Variants in PPP2R5B observed in about 807,000 individuals in gnomAD.
PPP2R5B encodes protein phosphatase 2 regulatory subunit B'beta, also known as serine/threonine-protein phosphatase 2A 56 kDa regulatory subunit beta isoform.
PPP2R5B carries 19 observed loss-of-function variants against 59.9 expected under a neutral mutation model. The observed-to-expected ratio is 0.32, with a 90% CI of 0.22 to 0.47. The LOEUF (loss-of-function observed/expected upper bound fraction) is 0.47. Ranked by LOEUF, PPP2R5B falls within the 20% of genes least tolerant of loss-of-function variation. PPP2R5B has a pLI of 1.00. For synonymous variants in PPP2R5B, 286 were observed against 260.5 expected (o/e 1.10, Z -0.94); for missense variants, 441 against 640.2 (o/e 0.69, Z 3.36).
rs143217037 is a variant in PPP2R5B at position 64,929,659 on chromosome 11, G to A, written c.723-663G>A. Reference sequence around the variant, plus strand: ...GAGAATCGCTTGAGCCTGGGAGGTGGAGGTTGCAGTGAGCCAAGATTGCGC... The same window carrying A: ...GAGAATCGCTTGAGCCTGGGAGGTGAAGGTTGCAGTGAGCCAAGATTGCGC... On this transcript the variant is annotated intron_variant, in intron 6 of 13. Coordinates refer to ENST00000164133, the MANE Select transcript of PPP2R5B (RefSeq NM_006244.4). 1.0e-2 allele frequency among the ~76,000 whole-genome samples: 1,518 copies of A among 152,338 alleles called. 24 individuals carry two copies. The highest frequency in any genetic ancestry group is 0.033 in the African/African-American group (1,389 of 41,560).
chr11:64,933,718 G>A lies in PPP2R5B; in HGVS notation c.1368G>A (p.Glu456=), dbSNP rs773785023. The A allele has an allele frequency of 1.9e-6, 3 of 1,556,970 alleles. No individual in the cohort carries two copies. In the South Asian group the frequency reaches 3.6e-5, roughly 18 times the overall value. Residue 456 remains glutamate (E), a synonymous_variant, in exon 14 of 14, where the codon GAG becomes GAA. Transcript: ENST00000164133. ...CCAGGGAGCAGCAGAAGGCCCAGGA[G>A]CGTCAGGAGTTATGGCAAGGTCTGG... The part of the protein sequence containing the change: ...EKQQEQQKAQ[E]RQELWQGLEE...
At chr11:64,922,407 C>G (rs533856731), upstream of PPP2R5B, among the ~76,000 whole-genome samples, 3 of 152,150 alleles carry the variant, frequency 2.0e-5, no homozygotes, top group African/African-American at 7.2e-5. Context: ...ATTGCTTGGG[C>G]CTGGGAGGTG....
chr11:64,933,824 G>A lies in PPP2R5B; in HGVS notation c.1474G>A (p.Ala492Thr), dbSNP rs752753102. ...PLQRLTPQVA[A>T]SGGQS ...CCAGCGGCTTACACCCCAGGTGGCCGCCAGTGGGGGTCAGAGCTAGACAGC... is the reference window on the plus strand; with the variant it reads ...CCAGCGGCTTACACCCCAGGTGGCCACCAGTGGGGGTCAGAGCTAGACAGC... The change falls in exon 14 of 14, where the codon GCC (alanine) becomes ACC (threonine). Residue 492 changes from alanine (A) to threonine (T), a missense_variant. Physicochemically the swap from Ala to Thr is moderately conservative, Grantham distance 58 (BLOSUM62 0). Around this residue, in one of 3 missense-constraint regions of PPP2R5B, gnomAD observed 70 missense variants for 64.2 expected, o/e 1.09. Transcript: ENST00000164133. The A allele has an allele frequency of 8.4e-6, 13 of 1,547,596 alleles. No homozygotes were observed. The highest frequency in any genetic ancestry group is 4.9e-5 in the East Asian group (2 of 41,128).
rs745418108 is a variant in PPP2R5B at position 64,931,603 on chromosome 11, G to C, written c.990G>C (p.Gln330His). The change falls in exon 10 of 14, where the codon CAG (glutamine) becomes CAC (histidine). Residue 330 changes from glutamine to histidine, a missense_variant. By Grantham distance (24) the Gln-to-His change is conservative. This residue lies in a region of PPP2R5B where 268 missense variants were observed against 488.1 expected (regional missense o/e 0.55). Coordinates refer to ENST00000164133, the MANE Select transcript of PPP2R5B (RefSeq NM_006244.4). This position sits in a 1 kb window ranked among gnomAD's most constrained non-coding sequence, Gnocchi z 5.0. ...AATACTGGCCAAAAACCTGCACCCA[G>C]AAGGAGGTATGAAGAAGGGCTTTGA... ...LLKYWPKTCTQKEVMFLGEME... is the reference protein window; with the variant it reads ...LLKYWPKTCTHKEVMFLGEME... The C allele has an allele frequency of 1.2e-6, 2 of 1,613,816 alleles. No homozygotes were observed. The highest frequency in any genetic ancestry group is 4.5e-5 in the East Asian group (2 of 44,886).
At chr11:64,929,815 A>G (rs1945208662) in intron 6 of PPP2R5B, among the ~76,000 whole-genome samples, 1 of 152,218 alleles carries the variant, frequency 6.6e-6, no homozygotes, top group African/African-American at 2.4e-5. Flanking sequence ...AGCACTCAGC[A>G]TAGCTCCTGG....
chr11:64,931,980 A>G lies in PPP2R5B; in HGVS notation c.1116+112A>G. 1.2e-5 allele frequency: 18 copies of G among 1,495,710 alleles called. No individual in the cohort carries two copies. Among genetic ancestry groups the G allele is most frequent in the Non-Finnish European group, 1.6e-5 (18 of 1,117,502 alleles). The allele number at this position is 1,495,710 out of a possible 1,614,324, so 92.7% of individuals were successfully genotyped here. A position where few individuals can be genotyped will look rare whatever the true frequency, so the allele number is the denominator to read the frequency against. On this transcript the variant is annotated intron_variant, in intron 11 of 13. Coordinates refer to ENST00000164133, the MANE Select transcript of PPP2R5B (RefSeq NM_006244.4). This position sits in a 1 kb window ranked among gnomAD's most constrained non-coding sequence, Gnocchi z 5.0. ...TTTCTCCTCCAATCCCGGGTCTGGT[A>G]ATGGGGAGATGCTGGACTTAGGGTC...
intron 1 of PPP2R5B, chr11:64,917,696 C>T (rs1272600198): frequency 6.6e-6 from 1 of 152,500 alleles, no homozygotes; most frequent in African/African-American, 2.4e-5. Context: ...CTCATTGAGC[C>T]CTCTTAATAA....
Position 64,933,858 on chromosome 11 carries a change from A to C in PPP2R5B, c.*14A>C. 1 of 1,513,398 alleles carries C rather than the reference A, an allele frequency of 6.6e-7. No individual in the cohort carries two copies. The allele number at this position is 1,513,398 out of a possible 1,614,324, so 93.7% of individuals were successfully genotyped here. A position where few individuals can be genotyped will look rare whatever the true frequency, so the allele number is the denominator to read the frequency against. Reference sequence around the variant, plus strand: ...GGTCAGAGCTAGACAGCACCTCAGAAGGGGAAAAGCTAAACCCAGAGCTGT... The same window carrying C: ...GGTCAGAGCTAGACAGCACCTCAGACGGGGAAAAGCTAAACCCAGAGCTGT... On this transcript the variant is annotated 3_prime_UTR_variant, in exon 14 of 14. Coordinates refer to ENST00000164133, the MANE Select transcript of PPP2R5B (RefSeq NM_006244.4).
At position 64,928,505 on chromosome 11, in the gene PPP2R5B, G is replaced by A. The variant is rs541907550; in HGVS notation, c.722+80G>A. On this transcript the variant is annotated intron_variant, in intron 6 of 13. Transcript: ENST00000164133. ...GAAGACTGCGGCAAAGGCCATGTGC[G>A]GTGGCTCACACCTGTAATCCCAGCA... is the stretch of plus-strand genomic sequence containing the variant. 490 of 1,590,356 alleles carry A rather than the reference G, an allele frequency of 3.1e-4. 5 individuals are homozygous for A. The East Asian group carries it at 9.4e-3, about 30-fold the overall frequency.
chr11:64,925,618 C>T lies in PPP2R5B; in HGVS notation c.-117C>T, dbSNP rs1171005468. 6 of 551,976 alleles carry T rather than the reference C, an allele frequency of 1.1e-5. No homozygotes were observed. The highest frequency in any genetic ancestry group is 1.6e-5 in the Non-Finnish European group (5 of 310,400). The allele number at this position is 551,976 out of a possible 1,614,324, so 34.2% of individuals were successfully genotyped here. A position where few individuals can be genotyped will look rare whatever the true frequency, so the allele number is the denominator to read the frequency against. Reference sequence around the variant, plus strand: ...GGGGCCCAGGACTGTGGTTGTGCCCCCCCCCCAAAGGCCGGACAGGATGGG... The same window carrying T: ...GGGGCCCAGGACTGTGGTTGTGCCCTCCCCCCAAAGGCCGGACAGGATGGG... On this transcript the variant is annotated 5_prime_UTR_variant, in exon 2 of 14. Coordinates refer to ENST00000164133, the MANE Select transcript of PPP2R5B (RefSeq NM_006244.4). The surrounding 1 kb of genome is among the most constrained non-coding windows in gnomAD (Gnocchi z 4.6).
chr11:64,919,834 A>G (rs1803215232), upstream of PPP2R5B, among the ~76,000 whole-genome samples: 1 of 152,150 alleles, frequency 6.6e-6, no homozygotes, highest in Admixed American at 6.6e-5. Context: ...TGTTCACCAT[A>G]TGCTCATGAG....
chr11:64,930,146 G>A (rs542862348), intron 6 of PPP2R5B, among the ~76,000 whole-genome samples, 176 bp from the exon 7 acceptor site: 1 of 152,110 alleles, frequency 6.6e-6, no homozygotes, highest in Non-Finnish European at 1.5e-5. Flanking sequence ...TTCAGTGTGG[G>A]GGGGCGGGGA....
upstream of PPP2R5B, among the ~76,000 whole-genome samples, chr11:64,920,217 TC>T (rs1371061504): frequency 2.0e-5 from 3 of 152,168 alleles, no homozygotes; most frequent in Non-Finnish European, 1.5e-5. Flanking sequence ...AGTTATCCTT[TC>T]TAGGCCCCTG....
rs2136669293 is a variant in PPP2R5B at position 64,919,015 on chromosome 11, C to T, written c.-265+1375C>T. Among the ~76,000 whole-genome samples, 4 of 152,250 alleles carry T rather than the reference C, an allele frequency of 2.6e-5. No homozygotes were observed. In the East Asian group the frequency reaches 7.7e-4, roughly 29 times the overall value. The stretch of plus-strand genomic sequence containing the variant: ...TTACCTGGAAGGAGCAGGCTCCATT[C>T]AGGGAGGCAGGCTGATAGGACAGCC... On this transcript the variant is annotated intron_variant, in intron 1 of 4. Transcript: ENST00000526559.
intron 12 of PPP2R5B, 48 bp from the exon 13 acceptor site, chr11:64,933,097 G>C: frequency 6.5e-7 from 1 of 1,543,368 alleles, no homozygotes; most frequent in South Asian, 1.1e-5. Flanking sequence ...GGAGAGGTGG[G>C]CAAACCAAAG....
At chr11:64,921,969 C>T (rs1269425435), upstream of PPP2R5B, among the ~76,000 whole-genome samples, 3 of 152,084 alleles carry the variant, frequency 2.0e-5, no homozygotes, top group African/African-American at 7.2e-5. Flanking sequence ...AGTCCCAGCA[C>T]TTTGGGAGGC....
Position 64,926,836 on chromosome 11 carries a change from C to G in PPP2R5B, c.324C>G (p.Asn108Lys), listed in dbSNP as rs570547041. ...AGGAGGTGAAGCGGGCAGCCCTCAACGAGCTGGTGGAGTGTGTGGGGAGCA... is the reference window on the plus strand; with the variant it reads ...AGGAGGTGAAGCGGGCAGCCCTCAAGGAGCTGGTGGAGTGTGTGGGGAGCA... ...KGKEVKRAAL[N>K]ELVECVGSTR... is the part of the protein sequence containing the mutation. Residue 108 changes from asparagine to lysine, a missense_variant, in exon 3 of 14, where the codon AAC (asparagine) becomes AAG (lysine). Asn to Lys is a moderately conservative substitution (Grantham distance 94). Transcript: ENST00000164133. 1 of 1,614,064 alleles carries G rather than the reference C, an allele frequency of 6.2e-7. No homozygotes were observed. Among genetic ancestry groups the G allele is most frequent in the African/African-American group, 1.3e-5 (1 of 74,926 alleles).
intron 1 of PPP2R5B, among the ~76,000 whole-genome samples, chr11:64,917,840 C>T (rs556401595): frequency 3.3e-5 from 5 of 152,028 alleles, no homozygotes; most frequent in Non-Finnish European, 7.4e-5. Context: ...GTCTTTTTTC[C>T]CCTCCTCACC....
At chr11:64,918,880 C>T (rs748373442) in intron 1 of PPP2R5B, among the ~76,000 whole-genome samples, 21 of 152,332 alleles carry the variant, frequency 1.4e-4, no homozygotes, top group Non-Finnish European at 2.1e-4. Flanking sequence ...CCTGGCCCAC[C>T]GGGCAGGGAC....
Sources: allele counts gnomAD v4.1 joint callset (sites outside exome capture counted in the v4.1 genomes callset), GRCh38; gene constraint gnomAD v4.1.1; regional missense constraint gnomAD v4.1.1; non-coding constraint Gnocchi (gnomAD v3.1); transcripts MANE v1.5; gene names NCBI Gene and HGNC (gene_info 2026-07-23, HGNC 2026-07-21).